UBE2E2: variants seen among roughly 807,000 people sequenced by gnomAD.
The protein encoded by UBE2E2 is ubiquitin-conjugating enzyme E2 E2.
A neutral mutation model predicts 24.7 loss-of-function variants in UBE2E2; 6 were observed. That is an observed-to-expected ratio of 0.24 (90% CI 0.13 to 0.48). The LOEUF (loss-of-function observed/expected upper bound fraction) is 0.48, where lower values mean the gene tolerates loss of function less well. UBE2E2 is among the 20% of genes least tolerant of loss of function. The pLI is 0.99. For synonymous variants in UBE2E2, 104 were observed against 83.6 expected (o/e 1.24, Z -1.33); for missense variants, 169 against 245.0 (o/e 0.69, Z 2.07).
chr3:23,562,762 A>G (rs1036826165), intron 5 of UBE2E2, among the ~76,000 whole-genome samples: 7 of 152,228 alleles, frequency 4.6e-5, no homozygotes, highest in Admixed American at 2.6e-4. Flanking sequence ...TTATTGGTCT[A>G]TTAAAAGATT....
chr3:23,458,589 T>A (rs1448717295), intron 3 of UBE2E2, among the ~76,000 whole-genome samples: 1 of 152,120 alleles, frequency 6.6e-6, no homozygotes, highest in Non-Finnish European at 1.5e-5. Context: ...GGCTAATTTT[T>A]TGTATTTTTA....
At chr3:23,221,079 A>G (rs975591760) in intron 3 of UBE2E2, among the ~76,000 whole-genome samples, 1 of 152,234 alleles carries the variant, frequency 6.6e-6, no homozygotes, top group South Asian at 2.1e-4. Flanking sequence ...GAGCAGGGGA[A>G]TGACAGAGAA....
At chr3:23,572,408 G>T (rs1413127827) in intron 5 of UBE2E2, among the ~76,000 whole-genome samples, 3 of 152,098 alleles carry the variant, frequency 2.0e-5, no homozygotes, top group Non-Finnish European at 4.4e-5. Flanking sequence ...GTAGATTCAG[G>T]GAGTGCATAT....
chr3:23,449,762 T>G (rs1698520736), intron 3 of UBE2E2: 2 of 617,592 alleles, frequency 3.2e-6, no homozygotes, highest in African/African-American at 4.0e-5. Flanking sequence ...CTGTTTTGAA[T>G]TAACTAAATA....
At chr3:23,272,019 A>T (rs1698257009) in intron 3 of UBE2E2, among the ~76,000 whole-genome samples, 1 of 152,264 alleles carries the variant, frequency 6.6e-6, no homozygotes, top group African/African-American at 2.4e-5. Flanking sequence ...CCAGTCCCGC[A>T]CGGCGCCTGC....
At chr3:23,346,115 A>T (rs1275384319) in intron 3 of UBE2E2, among the ~76,000 whole-genome samples, 1 of 152,184 alleles carries the variant, frequency 6.6e-6, no homozygotes, top group Non-Finnish European at 1.5e-5. Context: ...CTTTCTTAAA[A>T]GGCAATTTCT....
At chr3:23,489,047 C>T (rs992009693) in intron 3 of UBE2E2, among the ~76,000 whole-genome samples, 4 of 152,026 alleles carry the variant, frequency 2.6e-5, no homozygotes, top group Non-Finnish European at 4.4e-5. Flanking sequence ...CTTCAGTCTT[C>T]GTATCTAATT....
At chr3:23,461,946 T>C (rs1698812045) in intron 3 of UBE2E2, among the ~76,000 whole-genome samples, 1 of 152,184 alleles carries the variant, frequency 6.6e-6, no homozygotes, top group Non-Finnish European at 1.5e-5. Flanking sequence ...ATAGGGTTTT[T>C]TGTATAACAA....
chr3:23,243,064 C>A (rs1009246089), intron 3 of UBE2E2, among the ~76,000 whole-genome samples: 1 of 147,780 alleles, frequency 6.8e-6, no homozygotes, highest in Non-Finnish European at 1.5e-5. Context: ...CCAGCCTGGG[C>A]GACAGAGTGA....
At chr3:23,257,509 C>G (rs1188235997) in intron 3 of UBE2E2, among the ~76,000 whole-genome samples, 1 of 51,956 alleles carries the variant, frequency 1.9e-5, no homozygotes, top group Non-Finnish European at 3.7e-5. Flanking sequence ...GGCTGTTTCC[C>G]GTGCCCCCCC....
chr3:23,489,103 C>T (rs183440753), intron 3 of UBE2E2, among the ~76,000 whole-genome samples: 20 of 152,268 alleles, frequency 1.3e-4, no homozygotes, highest in African/African-American at 4.3e-4. Context: ...AGAATTAGAG[C>T]AGTGGTCCCC....
chr3:23,378,252 A>AT (rs1334869268), intron 3 of UBE2E2, among the ~76,000 whole-genome samples: 2 of 151,898 alleles, frequency 1.3e-5, no homozygotes, highest in South Asian at 2.1e-4. Flanking sequence ...AAAAAAAAAA[A>AT]AAAAAAAATA....
chr3:23,262,225 G>C (rs1218623618), intron 3 of UBE2E2, among the ~76,000 whole-genome samples: 4 of 152,018 alleles, frequency 2.6e-5, no homozygotes, highest in Non-Finnish European at 4.4e-5. Flanking sequence ...TTTTTTTCAT[G>C]TACGTGTTGG....
chr3:23,258,906 A>C (rs1697817236), intron 3 of UBE2E2, among the ~76,000 whole-genome samples: 1 of 150,524 alleles, frequency 6.6e-6, no homozygotes, highest in African/African-American at 2.4e-5. Flanking sequence ...AAAAGAAAAA[A>C]AAAAAAAAAA....
chr3:23,518,389 A>C (rs1174227174), intron 4 of UBE2E2, among the ~76,000 whole-genome samples: 1 of 152,226 alleles, frequency 6.6e-6, no homozygotes, highest in Non-Finnish European at 1.5e-5. Context: ...AAAATTTAAG[A>C]TATTCCTCAT....
intron 3 of UBE2E2, among the ~76,000 whole-genome samples, chr3:23,492,371 C>T (rs1218992710): frequency 6.6e-6 from 1 of 152,172 alleles, no homozygotes; most frequent in East Asian, 1.9e-4. Flanking sequence ...CTTCTCACTA[C>T]CCTATTCCCT....
chr3:23,283,638 G>T (rs939328752), intron 3 of UBE2E2, among the ~76,000 whole-genome samples: 3 of 152,080 alleles, frequency 2.0e-5, no homozygotes, highest in Non-Finnish European at 4.4e-5. Context: ...CACACTCAGC[G>T]AATAATTTTG....
intron 3 of UBE2E2, among the ~76,000 whole-genome samples, chr3:23,234,604 A>T (rs1697057506): frequency 6.6e-6 from 1 of 152,144 alleles, no homozygotes; most frequent in African/African-American, 2.4e-5. Flanking sequence ...TATAAGTTAG[A>T]TACAGTGGGG....
intron 3 of UBE2E2, among the ~76,000 whole-genome samples, chr3:23,346,454 GC>G (rs1413861287): frequency 6.6e-6 from 1 of 152,148 alleles, no homozygotes; most frequent in African/African-American, 2.4e-5. Context: ...AATGTATTTA[GC>G]TGTCAGAGGT....
Sources: gnomAD v4.1 joint callset for allele counts (sites outside exome capture counted in the v4.1 genomes callset) on GRCh38, gnomAD v4.1.1 for gene constraint, MANE v1.5 for transcripts, NCBI Gene and HGNC (gene_info 2026-07-23, HGNC 2026-07-21) for gene names.